ACACA: variants seen among roughly 807,000 people sequenced by gnomAD.
The protein encoded by ACACA is acetyl-CoA carboxylase 1.
In ACACA, 103 loss-of-function variants were observed where a neutral mutation model predicts 296.1. The ratio of observed to expected loss-of-function variants is 0.35; its 90% CI spans 0.30 to 0.41. The LOEUF is 0.41. ACACA is among the 10% of genes least tolerant of loss of function. ACACA has a pLI of 1.00. For missense variants in ACACA, 1,554 were observed against 2,989.7 expected (o/e 0.52, Z 11.20); for synonymous variants, 953 against 1,038.6 (o/e 0.92, Z 1.58).
chr17:37,406,208 T>C, intron 1 of ACACA, 54 bp downstream of exon 1: 7 of 1,592,448 alleles, frequency 4.4e-6, no homozygotes, highest in South Asian at 1.1e-5. Context: ...ACTCGACAAA[T>C]GGTAGCTATT....
At chr17:37,316,334 C>CACACACACACACACACA (rs1458823039) in intron 3 of ACACA, among the ~76,000 whole-genome samples, 5 of 145,708 alleles carry the variant, frequency 3.4e-5, no homozygotes, top group African/African-American at 1.1e-4. Flanking sequence ...CACACACACA[C>CACACACACACACACACA]CCCTAACTTT....
At chr17:37,096,876 C>A in intron 54 of ACACA, 120 bp downstream of exon 54, 1 of 1,209,582 alleles carries the variant, frequency 8.3e-7, no homozygotes, top group Non-Finnish European at 1.2e-6. Flanking sequence ...GCTTGGATCT[C>A]TATGTTTCCC....
intron 1 of ACACA, among the ~76,000 whole-genome samples, chr17:37,377,657 C>CTAAA (rs2050060658): frequency 8.3e-6 from 1 of 120,508 alleles, no homozygotes; most frequent in African/African-American, 3.3e-5. Context: ...GAGACTCCGT[C>CTAAA]TCAATAAATA....
chr17:37,209,020 G>A (rs1173628005), intron 30 of ACACA, among the ~76,000 whole-genome samples: 1 of 152,210 alleles, frequency 6.6e-6, no homozygotes, highest in Non-Finnish European at 1.5e-5. Context: ...TGTAGGATGG[G>A]AGTGCTGCTC....
intron 1 of ACACA, among the ~76,000 whole-genome samples, chr17:37,402,133 A>C (rs1237262811): frequency 2.0e-5 from 3 of 152,170 alleles, no homozygotes; most frequent in Non-Finnish European, 4.4e-5. Flanking sequence ...TGGCTTAAAG[A>C]GGACAAAAGG....
chr17:37,291,175 A>G (rs904992765), intron 3 of ACACA, among the ~76,000 whole-genome samples: 7 of 7,380 alleles, frequency 9.5e-4, no homozygotes, highest in Admixed American at 2.4e-3. Flanking sequence ...CACATCTCAT[A>G]ATATTTGTTT....
chr17:37,176,267 C>G (rs2144773341), intron 41 of ACACA, among the ~76,000 whole-genome samples: 1 of 152,312 alleles, frequency 6.6e-6, no homozygotes, highest in African/African-American at 2.4e-5. Flanking sequence ...AAACTCCAAT[C>G]CTTGAAGGTA....
chr17:37,226,370 G>A lies in ACACA; in HGVS notation c.3329C>T (p.Thr1110Ile), dbSNP rs1232711239. The A allele has an allele frequency of 6.8e-6, 11 of 1,614,104 alleles. No individual in the cohort carries two copies. Among genetic ancestry groups the A allele is most frequent in the East Asian group, 2.2e-5 (1 of 44,884 alleles). The change falls in exon 26 of 56, where the codon ACC (threonine) becomes ATC (isoleucine). Residue 1110 changes from threonine (T) to isoleucine (I), a missense_variant. By Grantham distance (89) the Thr-to-Ile change is moderately conservative. This residue lies in a region of ACACA where 42 missense variants were observed against 147.5 expected (regional missense o/e 0.28). Coordinates refer to ENST00000616317, the MANE Select transcript of ACACA (RefSeq NM_198834.3). ...TGCTCGAAGTGCTACTTTGGCATTG[G>A]TGGTCTTACTGAGTTGAGTTAGCTC... ...LTELTQLSKT[T>I]NAKVALRARQ... is the part of the protein sequence containing the mutation.
intron 42 of ACACA, among the ~76,000 whole-genome samples, chr17:37,159,108 T>G (rs891990178): frequency 4.6e-5 from 7 of 151,690 alleles, no homozygotes; most frequent in South Asian, 2.1e-4. Flanking sequence ...AGCCCAGGAG[T>G]TGGCAGATAC....
At chr17:37,306,308 ATAATTGGTTT>A (rs2083885525) in intron 3 of ACACA, among the ~76,000 whole-genome samples, 1 of 152,168 alleles carries the variant, frequency 6.6e-6, no homozygotes, top group Non-Finnish European at 1.5e-5. Flanking sequence ...GTCAATCTTC[ATAATTGGTTT>A]TTGTGTTGAA....
At position 37,251,999 on chromosome 17, in the gene ACACA, G is replaced by A; in HGVS notation, c.2081+6C>T. The A allele has an allele frequency of 6.2e-7, 1 of 1,613,120 alleles. No homozygotes were observed. The highest frequency in any genetic ancestry group is 2.2e-5 in the East Asian group (1 of 44,878). On this transcript the variant is annotated splice_donor_region_variant and intron_variant, in intron 16 of 55. Transcript: ENST00000616317. ...GTTTGTGTAGCCTACAAGAAACAAA[G>A]CCTACCTTTCTAAGGAGTGAAGGAA...
intron 1 of ACACA, among the ~76,000 whole-genome samples, chr17:37,350,870 C>G (rs1006931249): frequency 6.6e-6 from 1 of 152,126 alleles, no homozygotes; most frequent in South Asian, 2.1e-4. Flanking sequence ...CAGTGGCCCA[C>G]GCCTGTAATC....
intron 15 of ACACA, 51 bp from the exon 16 acceptor site, chr17:37,252,159 C>T (rs1474292843): frequency 1.1e-5 from 16 of 1,444,660 alleles, no homozygotes; most frequent in East Asian, 4.5e-5. Context: ...CTTGGCACCA[C>T]AGCCTCTCAA....
At chr17:37,306,154 C>T (rs1377533703) in intron 3 of ACACA, among the ~76,000 whole-genome samples, 1 of 152,000 alleles carries the variant, frequency 6.6e-6, no homozygotes, top group Non-Finnish European at 1.5e-5. Flanking sequence ...GTGATCCGCC[C>T]ACCTCGGCCT....
chr17:37,240,652 A>G (rs1419758432), intron 23 of ACACA, 88 bp from the exon 24 acceptor site: 13 of 974,866 alleles, frequency 1.3e-5, no homozygotes, highest in Non-Finnish European at 1.9e-5. Flanking sequence ...CCTCCACGAC[A>G]TTCCACTGAA....
At chr17:37,390,330 A>ATATACATATATATATATATATC (rs1386032855) in intron 1 of ACACA, among the ~76,000 whole-genome samples, 12 of 41,582 alleles carry the variant, frequency 2.9e-4, no homozygotes, top group Non-Finnish European at 3.7e-4. Context: ...ATATATATAT[A>ATATACATATATATATATATATC]TATAAAAGGC....
At chr17:37,285,714 G>C (rs578234453) in intron 3 of ACACA, among the ~76,000 whole-genome samples, 1 of 128,980 alleles carries the variant, frequency 7.8e-6, no homozygotes, top group East Asian at 2.8e-4. Context: ...TTGGGGTGGG[G>C]GGTGGGGGGC....
At chr17:37,244,961 T>C in intron 20 of ACACA, 119 bp downstream of exon 20, 2 of 1,479,792 alleles carry the variant, frequency 1.4e-6, no homozygotes, top group Middle Eastern at 1.7e-4. Context: ...GGCATAAGAT[T>C]AATAGGGGAC....
chr17:37,299,255 C>A, intron 3 of ACACA: 5 of 1,608,740 alleles, frequency 3.1e-6, no homozygotes, highest in East Asian at 2.2e-5. Flanking sequence ...TATATATTAC[C>A]CAAATGTGGT....
Sources: gnomAD v4.1 joint callset for allele counts (sites outside exome capture counted in the v4.1 genomes callset) on GRCh38, gnomAD v4.1.1 for gene constraint, gnomAD v4.1.1 regional missense constraint, MANE v1.5 for transcripts, NCBI Gene and HGNC (gene_info 2026-07-23, HGNC 2026-07-21) for gene names.